Variants in AK9 observed in about 807,000 individuals in gnomAD.
The protein encoded by AK9 is adenylate kinase domain containing 1.
A neutral mutation model predicts 239.6 loss-of-function variants in AK9; 191 were observed. The observed-to-expected ratio is 0.80, with a 90% CI of 0.71 to 0.90. AK9 has a LOEUF of 0.90. AK9 is among the 40% of genes least tolerant of loss of function. AK9 has a pLI of 0.00. For synonymous variants in AK9, 689 were observed against 721.0 expected, an observed-to-expected ratio of 0.96 and a Z score of 0.71; for missense variants, 1,995 against 2,214.7, an observed-to-expected ratio of 0.90 and a Z score of 1.99.
rs191207463 is a variant in AK9 at position 109,581,337 on chromosome 6, A to G, written c.2115-1711T>C. Among the ~76,000 whole-genome samples the G allele has an allele frequency of 1.9e-3, 284 of 152,326 alleles. 1 individual carries two copies. The highest frequency in any genetic ancestry group is 6.6e-3 in the African/African-American group (274 of 41,582). ...ATATTGAAGGCTGAGATAGTCCAAAAGCTATGCCTCTGGTGCAAAATAGTT... is the reference window on the plus strand; with the variant it reads ...ATATTGAAGGCTGAGATAGTCCAAAGGCTATGCCTCTGGTGCAAAATAGTT... On this transcript the variant is annotated intron_variant, in intron 19 of 40. Coordinates refer to ENST00000424296, the MANE Select transcript of AK9 (RefSeq NM_001145128.3).
chr6:109,547,709 C>T (rs1280423252), intron 25 of AK9, among the ~76,000 whole-genome samples: 2 of 151,658 alleles, frequency 1.3e-5, no homozygotes, highest in South Asian at 2.1e-4. Context: ...TTACATTAAC[C>T]TAAAAAAACC....
At chr6:109,527,744 C>T (rs1334106059) in intron 29 of AK9, 1 of 152,146 alleles carries the variant, frequency 6.6e-6, no homozygotes, top group Non-Finnish European at 1.5e-5. Flanking sequence ...GGAGAGCTGA[C>T]TTACAAAATC....
intron 5 of AK9, among the ~76,000 whole-genome samples, chr6:109,667,671 C>A (rs186767333): frequency 1.3e-5 from 2 of 151,664 alleles, no homozygotes; most frequent in Non-Finnish European, 2.9e-5. Context: ...TTTGTCCTTG[C>A]GATAGTTTGC....
chr6:109,637,307 T>C (rs536892428), intron 10 of AK9, among the ~76,000 whole-genome samples: 4 of 152,208 alleles, frequency 2.6e-5, no homozygotes, highest in Admixed American at 2.0e-4. Context: ...CTATCAGATA[T>C]GTGATTTTCA....
intron 6 of AK9, among the ~76,000 whole-genome samples, chr6:109,661,689 C>T (rs772689620): frequency 6.6e-6 from 1 of 152,202 alleles, no homozygotes. Context: ...CCACCTCTCT[C>T]TCACAGCTGA....
At chr6:109,570,525 G>T (rs1787281141) in intron 21 of AK9, among the ~76,000 whole-genome samples, 1 of 152,034 alleles carries the variant, frequency 6.6e-6, no homozygotes, top group South Asian at 2.1e-4. Context: ...CACTATATGT[G>T]ATTCATCCAT....
intron 28 of AK9, among the ~76,000 whole-genome samples, chr6:109,532,632 C>T (rs1781428037): frequency 6.6e-6 from 1 of 152,142 alleles, no homozygotes; most frequent in South Asian, 2.1e-4. Flanking sequence ...GGATATACCA[C>T]CTTTTATTTT....
At chr6:109,579,473 T>C (rs1208328160) in intron 20 of AK9, 77 bp downstream of exon 20, 4 of 1,380,564 alleles carry the variant, frequency 2.9e-6, no homozygotes, top group South Asian at 1.3e-5. Flanking sequence ...ACCCAGTCTA[T>C]AATTCACTTG....
chr6:109,594,378 G>A (rs1006914187), intron 17 of AK9, among the ~76,000 whole-genome samples: 1 of 151,802 alleles, frequency 6.6e-6, no homozygotes, highest in African/African-American at 2.4e-5. Context: ...GACACAAATG[G>A]AAAAACATTC....
At chr6:109,669,006 C>T (rs56890892) in intron 5 of AK9, among the ~76,000 whole-genome samples, 10 of 145,596 alleles carry the variant, frequency 6.9e-5, no homozygotes, top group African/African-American at 1.2e-4. Flanking sequence ...ATTTTCACGA[C>T]ATTGATTCTT....
rs1163602984 is a variant in AK9 at position 109,688,866 on chromosome 6, C to T, written c.-12+2281G>A. Among the ~76,000 whole-genome samples the T allele has an allele frequency of 3.9e-5, 6 of 152,064 alleles. No homozygotes were observed. The South Asian group carries it at 8.3e-4, about 21-fold the overall frequency. ...ATGTGATTGGATGAGATTGGGGGTG[C>T]TCAGGGTGGTATGGCCATAAACTGC... On this transcript the variant is annotated intron_variant, in intron 1 of 40. Transcript: ENST00000424296.
intron 17 of AK9, among the ~76,000 whole-genome samples, chr6:109,590,959 G>A (rs950691532): frequency 6.6e-6 from 1 of 152,040 alleles, no homozygotes; most frequent in African/African-American, 2.4e-5. Context: ...ATTTAAGAAT[G>A]TTCCATGGGC....
intron 29 of AK9, chr6:109,527,729 T>G (rs1780695395): frequency 6.6e-6 from 1 of 152,180 alleles, no homozygotes; most frequent in Non-Finnish European, 1.5e-5. Flanking sequence ...AAACATGAAG[T>G]CTCAGGAGAG....
chr6:109,657,131 C>T (rs545038430), intron 7 of AK9, among the ~76,000 whole-genome samples: 37 of 152,148 alleles, frequency 2.4e-4, no homozygotes, highest in Non-Finnish European at 3.7e-4. Flanking sequence ...TAAGTAGGGA[C>T]GAGTAGGGGA....
In AK9 at chr6:109,616,291, T is replaced by C. The variant is rs554245541; in HGVS notation, c.1400-1811A>G. On this transcript the variant is annotated intron_variant, in intron 13 of 40. Transcript: ENST00000424296. ...TCAGAAATACAAGAATTGTTTAATG[T>C]TGGAAAATACATTAGTATAACTGAT... Among the ~76,000 whole-genome samples, 7 of 152,342 alleles carry C rather than the reference T, an allele frequency of 4.6e-5. No homozygotes were observed. The South Asian group carries it at 1.4e-3, about 32-fold the overall frequency.
chr6:109,620,941 G>GCAAGCCTAAATTCCATGCATATC (rs1351841327), intron 12 of AK9, among the ~76,000 whole-genome samples: 1 of 151,758 alleles, frequency 6.6e-6, no homozygotes, highest in East Asian at 1.9e-4. Flanking sequence ...AAATACATAT[G>GCAAGCCTAAATTCCATGCATATC]CAAGCCTAAA....
At position 109,509,314 on chromosome 6, in the gene AK9, A is replaced by C. The variant is rs1432899819; in HGVS notation, c.4346T>G (p.Val1449Gly). The C allele has an allele frequency of 8.4e-6, 13 of 1,551,668 alleles. No homozygotes were observed. Among genetic ancestry groups the C allele is most frequent in the Non-Finnish European group, 1.1e-5 (13 of 1,146,978 alleles). The change falls in exon 33 of 41, where the codon GTA (valine) becomes GGA (glycine). Residue 1449 changes from valine (V) to glycine (G), a missense_variant. Around this residue, in one of 5 missense-constraint regions of AK9, gnomAD observed 1,290 missense variants for 1,392.7 expected, o/e 0.93. Transcript: ENST00000424296. ...CTCTGTTTCCGGGTGATTGTTTAGT[A>C]CATAACGCAAAGCTCCTCCTATTGA... ...HLSIGGALRY[V>G]LNNHPETELA... is the part of the protein sequence containing the mutation.
In AK9 at chr6:109,674,179, G is replaced by C; in HGVS notation, c.181+19C>G. ...AAAGTTTTCATAATAAAATATTAGA[G>C]AAAAAAGATAAAATTTACCTTCAAC... On this transcript the variant is annotated intron_variant, in intron 3 of 40. Coordinates refer to ENST00000424296, the MANE Select transcript of AK9 (RefSeq NM_001145128.3). 1 of 1,552,020 alleles carries C rather than the reference G, an allele frequency of 6.4e-7. No individual in the cohort carries two copies. Among genetic ancestry groups the C allele is most frequent in the Non-Finnish European group, 8.7e-7 (1 of 1,149,552 alleles).
intron 1 of AK9, among the ~76,000 whole-genome samples, chr6:109,685,501 T>C (rs1035870577): frequency 2.0e-5 from 3 of 152,070 alleles, no homozygotes; most frequent in African/African-American, 7.2e-5. Context: ...ACACTGCATG[T>C]TCTCACTCAT....
Sources: allele counts gnomAD v4.1 joint callset (sites outside exome capture counted in the v4.1 genomes callset), GRCh38; gene constraint gnomAD v4.1.1; regional missense constraint gnomAD v4.1.1; transcripts MANE v1.5; gene names NCBI Gene and HGNC (gene_info 2026-07-23, HGNC 2026-07-21).